COX4I1: variants seen among roughly 807,000 people sequenced by gnomAD.
COX4I1 encodes cytochrome c oxidase subunit 4I1, also known as cytochrome c oxidase subunit 4 isoform 1, mitochondrial.
A neutral mutation model predicts 21.7 loss-of-function variants in COX4I1; 18 were observed. The ratio of observed to expected loss-of-function variants is 0.83; its 90% CI spans 0.57 to 1.23. The LOEUF (loss-of-function observed/expected upper bound fraction) is 1.23. COX4I1 is among the 50% of genes most tolerant of loss of function. COX4I1 has a pLI of 0.00. For missense variants in COX4I1, 238 were observed against 220.7 expected, an observed-to-expected ratio of 1.08 and a Z score of -0.50; for synonymous variants, 100 against 81.5, an observed-to-expected ratio of 1.23 and a Z score of -1.23.
intron 1 of COX4I1, among the ~76,000 whole-genome samples, chr16:85,800,230 C>A (rs558999182): frequency 1.3e-5 from 2 of 152,254 alleles, no homozygotes; most frequent in Admixed American, 6.5e-5. Context: ...GGCGTTCAGC[C>A]CTGACGTCAT....
chr16:85,802,271 C>G (rs1316558530), intron 2 of COX4I1, among the ~76,000 whole-genome samples: 1 of 152,226 alleles, frequency 6.6e-6, no homozygotes, highest in Non-Finnish European at 1.5e-5. Context: ...AACGGCCTCT[C>G]CTGACCATCC....
In COX4I1 at chr16:85,805,787, A is replaced by G; in HGVS notation, c.296A>G (p.Glu99Gly). The change falls in exon 4 of 5, where the codon GAG (glutamate) becomes GGG (glycine). Residue 99 changes from glutamate to glycine, a missense_variant. Glu to Gly is a moderately conservative substitution (Grantham distance 98). Coordinates refer to ENST00000253452, the MANE Select transcript of COX4I1 (RefSeq NM_001861.6). The stretch of plus-strand genomic sequence containing the variant: ...GCTGAGATGAACAGGGGCTCGAACG[A>G]GTGGAAGACGGTTGTGGGCGGTGCC... The part of the protein sequence containing the change: ...SFAEMNRGSN[E>G]WKTVVGGAMF... 1 of 1,614,242 alleles carries G rather than the reference A, an allele frequency of 6.2e-7. No individual in the cohort carries two copies. Among genetic ancestry groups the G allele is most frequent in the Non-Finnish European group, 8.5e-7 (1 of 1,180,046 alleles).
chr16:85,801,323 A>AT, intron 2 of COX4I1, 45 bp downstream of exon 2: 1 of 1,547,524 alleles, frequency 6.5e-7, no homozygotes, highest in South Asian at 1.1e-5. Context: ...AACTAATTTC[A>AT]TTTTGCTCCT....
intron 4 of COX4I1, 124 bp downstream of exon 4, chr16:85,805,988 C>T: frequency 7.4e-7 from 1 of 1,359,820 alleles, no homozygotes; most frequent in Admixed American, 2.0e-5. Flanking sequence ...TTCCAGAGTT[C>T]ATCTCAGGAT....
intron 1 of COX4I1, among the ~76,000 whole-genome samples, 189 bp from the exon 2 acceptor site, chr16:85,801,016 G>C (rs1368408304): frequency 6.6e-6 from 1 of 152,140 alleles, no homozygotes; most frequent in Non-Finnish European, 1.5e-5. Context: ...CTCCTTAAAA[G>C]CATGCCAATT....
chr16:85,802,346 T>G (rs1265889040), intron 2 of COX4I1, among the ~76,000 whole-genome samples: 1 of 152,258 alleles, frequency 6.6e-6, no homozygotes, highest in Non-Finnish European at 1.5e-5. Context: ...GGATGCCTCA[T>G]GAATGCATGT....
At chr16:85,805,140 G>A in intron 3 of COX4I1, 36 bp downstream of exon 3, 1 of 1,583,708 alleles carries the variant, frequency 6.3e-7, no homozygotes, top group South Asian at 1.2e-5. Flanking sequence ...GCGCCCAGCA[G>A]CTCTCGGAAG....
intron 2 of COX4I1, chr16:85,803,797 G>C (rs1905950091): frequency 6.6e-6 from 1 of 152,240 alleles, no homozygotes; most frequent in Non-Finnish European, 1.5e-5. Context: ...TACTGCCCGT[G>C]CTCTGTGACT....
intron 4 of COX4I1, 150 bp from the exon 5 acceptor site, chr16:85,806,588 C>A: frequency 8.9e-7 from 1 of 1,118,406 alleles, no homozygotes; most frequent in Non-Finnish European, 1.4e-6. Flanking sequence ...TGTCAGTGGT[C>A]AGAAACCGTG....
intron 2 of COX4I1, among the ~76,000 whole-genome samples, chr16:85,802,167 C>A (rs1423169690): frequency 6.6e-6 from 1 of 152,194 alleles, no homozygotes; most frequent in Admixed American, 6.5e-5. Flanking sequence ...ACTGCCCCAG[C>A]CCCCTGGCCT....
intron 1 of COX4I1, 146 bp from the exon 2 acceptor site, chr16:85,801,059 G>A (rs901443041): frequency 5.1e-6 from 3 of 591,678 alleles, no homozygotes; most frequent in Admixed American, 5.5e-5. Flanking sequence ...GTCATTTTGT[G>A]AATTCAGAGA....
chr16:85,805,753 G>A lies in COX4I1; in HGVS notation c.262G>A (p.Glu88Lys). ...KVELYRIKFKESFAEMNRGSN... is the reference protein window; with the variant it reads ...KVELYRIKFKKSFAEMNRGSN... ...CCCAGTGTATCGCATTAAGTTCAAG[G>A]AGAGCTTTGCTGAGATGAACAGGGG... Residue 88 changes from glutamate to lysine, a missense_variant, in exon 4 of 5, where the codon GAG (glutamate) becomes AAG (lysine). By Grantham distance (56) the Glu-to-Lys change is moderately conservative. Transcript: ENST00000253452. The A allele has an allele frequency of 6.2e-7, 1 of 1,614,254 alleles. No homozygotes were observed. Among genetic ancestry groups the A allele is most frequent in the Non-Finnish European group, 8.5e-7 (1 of 1,180,050 alleles).
At chr16:85,805,507 C>T in intron 3 of COX4I1, 2 of 604,322 alleles carry the variant, frequency 3.3e-6, no homozygotes, top group Middle Eastern at 3.0e-4. Context: ...TAATTTGCAC[C>T]TGAAGCGAAC....
intron 2 of COX4I1, among the ~76,000 whole-genome samples, chr16:85,802,687 T>A (rs560162218): frequency 6.6e-6 from 1 of 152,338 alleles, no homozygotes; most frequent in Non-Finnish European, 1.5e-5. Context: ...CAGAAATCCG[T>A]CCATGTTGAA....
intron 2 of COX4I1, 130 bp downstream of exon 2, chr16:85,801,408 A>C: frequency 1.6e-6 from 1 of 642,550 alleles, no homozygotes; most frequent in Non-Finnish European, 2.7e-6. Flanking sequence ...GGAGATATAA[A>C]TGTTCTCACA....
chr16:85,805,340 G>T, intron 3 of COX4I1: 1 of 542,758 alleles, frequency 1.8e-6, no homozygotes, highest in Admixed American at 3.5e-5. Context: ...AGTGGAGGTA[G>T]CCTCTCAGCA....
intron 2 of COX4I1, chr16:85,803,164 A>C (rs1905903982): frequency 6.6e-6 from 1 of 152,226 alleles, no homozygotes; most frequent in Non-Finnish European, 1.5e-5. Flanking sequence ...TGAACTTGAT[A>C]AAAATATTCA....
At chr16:85,806,082 T>A in intron 4 of COX4I1, 1 of 647,730 alleles carries the variant, frequency 1.5e-6, no homozygotes, top group African/African-American at 1.8e-5. Flanking sequence ...ATAGCCATGC[T>A]TGTTGGGTGG....
At chr16:85,806,671 T>C in intron 4 of COX4I1, 67 bp from the exon 5 acceptor site, 2 of 1,613,428 alleles carry the variant, frequency 1.2e-6, no homozygotes, top group Non-Finnish European at 1.7e-6. Flanking sequence ...ATTTAACCTG[T>C]GTGAGGGATT....
Sources: allele counts gnomAD v4.1 joint callset (sites outside exome capture counted in the v4.1 genomes callset), GRCh38; gene constraint gnomAD v4.1.1; transcripts MANE v1.5; gene names NCBI Gene and HGNC (gene_info 2026-07-23, HGNC 2026-07-21).